Variants in SCN11A observed in about 807,000 individuals in gnomAD.
The protein encoded by SCN11A is sodium voltage-gated channel alpha subunit 11.
A neutral mutation model predicts 162.2 loss-of-function variants in SCN11A; 122 were observed. The ratio of observed to expected loss-of-function variants is 0.75; its 90% CI spans 0.65 to 0.87. The LOEUF is 0.87. SCN11A is among the 40% of genes least tolerant of loss of function. The probability of loss-of-function intolerance (pLI) is 0.00; values close to 1 mark genes in which losing one functional copy is unlikely to be tolerated. For synonymous variants in SCN11A, 758 were observed against 751.5 expected (o/e 1.01, Z -0.14); for missense variants, 2,015 against 2,181.6 (o/e 0.92, Z 1.52).
intron 1 of SCN11A, among the ~76,000 whole-genome samples, chr3:39,042,130 G>T (rs1247086116): frequency 3.3e-5 from 5 of 152,122 alleles, no homozygotes; most frequent in East Asian, 3.9e-4. Context: ...TTATCTGGGC[G>T]TGGTGGTAGG....
chr3:38,963,397 T>TATATATATATATATATATATGATGGAG (rs1559558297), intron 2 of SCN11A, among the ~76,000 whole-genome samples: 1 of 57,198 alleles, frequency 1.7e-5, no homozygotes, highest in Non-Finnish European at 2.9e-5. Context: ...GATGGAGATA[T>TATATATATATATATATATATGATGGAG]ATATATATAT....
intron 14 of SCN11A, among the ~76,000 whole-genome samples, chr3:38,906,230 C>T (rs1450177769): frequency 6.6e-6 from 1 of 152,082 alleles, no homozygotes; most frequent in Non-Finnish European, 1.5e-5. Context: ...TGGCTCTTGC[C>T]ATCTTTACCT....
Position 38,847,068 on chromosome 3 carries a change from G to C in SCN11A, c.5002C>G (p.Leu1668Val), listed in dbSNP as rs752566267. Reference sequence around the variant, plus strand: ...CTCACCATGGGCAAGTCCATTACTAGAAATTGATATTTATTTGGCTTTGCG... The same window carrying C: ...CTCACCATGGGCAAGTCCATTACTACAAATTGATATTTATTTGGCTTTGCG... ...RVAKPNKYQFLVMDLPMVSED... is the reference protein window; with the variant it reads ...RVAKPNKYQFVVMDLPMVSED... Residue 1668 changes from leucine (L) to valine (V), a missense_variant, in exon 30 of 30, where the codon CTA (leucine) becomes GTA (valine). Coordinates refer to ENST00000302328, the MANE Select transcript of SCN11A (RefSeq NM_001349253.2). 1.2e-6 allele frequency: 2 copies of C among 1,614,130 alleles called. No individual in the cohort carries two copies. Among genetic ancestry groups the C allele is most frequent in the South Asian group, 1.1e-5 (1 of 91,072 alleles).
chr3:38,905,122 A>C, intron 15 of SCN11A, 70 bp downstream of exon 15: 23 of 1,600,282 alleles, frequency 1.4e-5, no homozygotes, highest in Non-Finnish European at 2.0e-5. Context: ...CTTCTAGGGG[A>C]TTGGGAAGAA....
At chr3:39,036,745 C>T (rs1381783914) in intron 1 of SCN11A, among the ~76,000 whole-genome samples, 1 of 152,202 alleles carries the variant, frequency 6.6e-6, no homozygotes, top group Non-Finnish European at 1.5e-5. Flanking sequence ...AGGTGCCCAA[C>T]ATCACTGATC....
intron 7 of SCN11A, among the ~76,000 whole-genome samples, chr3:38,929,221 G>A (rs1011095241): frequency 2.0e-5 from 3 of 151,362 alleles, no homozygotes; most frequent in African/African-American, 7.3e-5. Flanking sequence ...TGTCAGTTCA[G>A]AGTAAAATGT....
intron 2 of SCN11A, among the ~76,000 whole-genome samples, chr3:38,978,883 CA>C (rs2029889489): frequency 1.3e-5 from 2 of 152,252 alleles, no homozygotes; most frequent in South Asian, 4.1e-4. Flanking sequence ...GTCACTGCCA[CA>C]GGGTATTTGC....
intron 2 of SCN11A, among the ~76,000 whole-genome samples, chr3:39,022,466 A>G (rs2031476608): frequency 6.6e-6 from 1 of 152,138 alleles, no homozygotes; most frequent in Non-Finnish European, 1.5e-5. Flanking sequence ...TCCTTCCCAC[A>G]TTTATGAACC....
chr3:38,938,773 A>G (rs2066395396), intron 7 of SCN11A, among the ~76,000 whole-genome samples: 1 of 151,138 alleles, frequency 6.6e-6, no homozygotes, highest in South Asian at 2.1e-4. Flanking sequence ...CATGTTGGTC[A>G]GGCTGGTCTT....
At chr3:38,931,339 C>T (rs928785736) in intron 7 of SCN11A, among the ~76,000 whole-genome samples, 1 of 152,186 alleles carries the variant, frequency 6.6e-6, no homozygotes. Context: ...TCTCCAGAGA[C>T]ATATAGACCA....
intron 2 of SCN11A, among the ~76,000 whole-genome samples, chr3:38,964,893 A>G (rs1483195381): frequency 6.6e-6 from 1 of 152,360 alleles, no homozygotes; most frequent in African/African-American, 2.4e-5. Context: ...CTTTAGGCAT[A>G]ACCACCAAGT....
chr3:39,019,292 C>T (rs1237761057), intron 2 of SCN11A, among the ~76,000 whole-genome samples: 1 of 152,156 alleles, frequency 6.6e-6, no homozygotes, highest in African/African-American at 2.4e-5. Flanking sequence ...TGTGACCCCA[C>T]CCAGAAGTGA....
At position 38,876,747 on chromosome 3, in the gene SCN11A, C is replaced by T. The variant is rs28762131; in HGVS notation, c.3393+3203G>A. ...GTGAAAAGAGAACACTTCTACACTGCTGGTGGGAATGTAAACTAGTACAAC... is the reference window on the plus strand; with the variant it reads ...GTGAAAAGAGAACACTTCTACACTGTTGGTGGGAATGTAAACTAGTACAAC... On this transcript the variant is annotated intron_variant, in intron 23 of 29. Transcript: ENST00000302328. Among the ~76,000 whole-genome samples, 327 of 152,060 alleles carry T rather than the reference C, an allele frequency of 2.2e-3. 1 individual carries two copies. Among genetic ancestry groups the T allele is most frequent in the African/African-American group, 7.5e-3 (310 of 41,494 alleles).
rs1559484396 is a variant in SCN11A, at chr3:38,849,256, C to CT, written c.4327+1224_4327+1225insA. Reference sequence around the variant, plus strand: ...AGACATCTGACCACCATTTTCTAGCCCTTTTTTTTTTTTTTTTTTTTTTTT... The same window carrying CT: ...AGACATCTGACCACCATTTTCTAGCCTCTTTTTTTTTTTTTTTTTTTTTTTT... On this transcript the variant is annotated intron_variant, in intron 29 of 29. Coordinates refer to ENST00000302328, the MANE Select transcript of SCN11A (RefSeq NM_001349253.2). The CT allele has an allele frequency of 1.2e-3, 89 of 72,946 alleles. 2 individuals are homozygous for CT. Among genetic ancestry groups the CT allele is most frequent in the African/African-American group, 6.6e-3 (81 of 12,220 alleles). The allele number at this position is 72,946 out of a possible 1,614,324, so 4.5% of individuals were successfully genotyped here.
intron 2 of SCN11A, among the ~76,000 whole-genome samples, chr3:39,020,172 C>T (rs990392898): frequency 6.6e-6 from 1 of 152,298 alleles, no homozygotes; most frequent in Admixed American, 6.5e-5. Context: ...TAATAAGTAT[C>T]TGGGAAGCCT....
chr3:38,965,764 ATTCGACTAGAAGTCAGCTTGTG>A (rs2125585193), intron 2 of SCN11A, among the ~76,000 whole-genome samples: 1 of 152,224 alleles, frequency 6.6e-6, no homozygotes, highest in South Asian at 2.1e-4. Flanking sequence ...GAAGACACAG[ATTCGACTAGAAGTCAGCTTGTG>A]TTCCAAAGAA....
At chr3:38,963,403 T>TGATGGAG (rs2066758230) in intron 2 of SCN11A, among the ~76,000 whole-genome samples, 1 of 63,846 alleles carries the variant, frequency 1.6e-5, no homozygotes, top group African/African-American at 1.0e-4. Context: ...GATATATATA[T>TGATGGAG]ATATATATAT....
At chr3:38,978,602 C>T (rs928398393) in intron 2 of SCN11A, among the ~76,000 whole-genome samples, 2 of 151,814 alleles carry the variant, frequency 1.3e-5, no homozygotes, top group African/African-American at 2.4e-5. Flanking sequence ...ACCGAGATCA[C>T]GCCACTGCAC....
chr3:39,047,447 G>A (rs2032212521), intron 1 of SCN11A, among the ~76,000 whole-genome samples: 3 of 152,030 alleles, frequency 2.0e-5, no homozygotes, highest in African/African-American at 7.2e-5. Context: ...CAGGAGAAAT[G>A]CTTCAGGACA....
Sources: gnomAD v4.1 joint callset for allele counts (sites outside exome capture counted in the v4.1 genomes callset) on GRCh38, gnomAD v4.1.1 for gene constraint, MANE v1.5 for transcripts, NCBI Gene and HGNC (gene_info 2026-07-23, HGNC 2026-07-21) for gene names.